NPIPB11: variants seen among roughly 807,000 people sequenced by gnomAD.
NPIPB11 encodes the protein nuclear pore complex-interacting protein family member B11.
A neutral mutation model predicts 32.8 loss-of-function variants in NPIPB11; 17 were observed. The ratio of observed to expected loss-of-function variants is 0.52; its 90% CI spans 0.35 to 0.78. The LOEUF (loss-of-function observed/expected upper bound fraction) is 0.78. Ranked by LOEUF, NPIPB11 falls within the 30% of genes least tolerant of loss-of-function variation. NPIPB11 has a pLI of 0.01. For missense variants in NPIPB11, 537 were observed against 1,000.4 expected, an observed-to-expected ratio of 0.54 and a Z score of 6.25; for synonymous variants, 209 against 398.4, an observed-to-expected ratio of 0.52 and a Z score of 5.66.
In NPIPB11 at chr16:29,394,028, C is replaced by A. The variant is rs771034607; in HGVS notation, c.169G>T (p.Gly57Ter). The A allele has an allele frequency of 6.3e-7, 1 of 1,599,326 alleles. No individual in the cohort carries two copies. Among genetic ancestry groups the A allele is most frequent in the African/African-American group, 1.3e-5 (1 of 74,864 alleles). Residue 57 changes from glycine to a stop codon, truncating the protein, a stop_gained, in exon 3 of 8, where the codon GGA becomes TGA. Transcript: ENST00000524087. LOFTEE classifies it high-confidence loss of function. ...ATAATAATATGTAACCAAGGACTTC[C>A]ACCAAAGTCAGTCCCACGATGATGA...
At chr16:29,389,689 A>G (rs1243386600) in intron 5 of NPIPB11, among the ~76,000 whole-genome samples, 86 of 109,212 alleles carry the variant, frequency 7.9e-4, no homozygotes, top group African/African-American at 1.0e-3. Context: ...AAAAAAAAAA[A>G]AAAAAAAAAG....
At chr16:29,402,696 C>T (rs937217036) in intron 2 of NPIPB11, among the ~76,000 whole-genome samples, 2 of 112,516 alleles carry the variant, frequency 1.8e-5, no homozygotes, top group African/African-American at 7.0e-5. Context: ...GAGTGAAACT[C>T]TGTCTCTCTC....
At chr16:29,400,857 A>C (rs368631904) in intron 2 of NPIPB11, among the ~76,000 whole-genome samples, 3 of 152,080 alleles carry the variant, frequency 2.0e-5, no homozygotes, top group African/African-American at 4.8e-5. Flanking sequence ...GTGTAGGATC[A>C]TCTGGTGAGC....
chr16:29,389,004 G>C (rs1963637793), intron 5 of NPIPB11, among the ~76,000 whole-genome samples: 1 of 147,812 alleles, frequency 6.8e-6, no homozygotes, highest in Non-Finnish European at 1.5e-5. Flanking sequence ...AGACCAGCTT[G>C]GCCAATATGG....
intron 2 of NPIPB11, among the ~76,000 whole-genome samples, chr16:29,399,474 G>C (rs1003893645): frequency 1.3e-5 from 2 of 149,348 alleles, no homozygotes; most frequent in African/African-American, 5.0e-5. Context: ...GGCCGAGGTG[G>C]GTGGATCACA....
chr16:29,389,972 T>C (rs1049219537), exon 5 of NPIPB11: 2 of 1,584,590 alleles, frequency 1.3e-6, no homozygotes, highest in African/African-American at 2.7e-5. Context: ...TTTCCATTGA[T>C]TTTGTCATGA....
At chr16:29,382,192 G>A (rs878907790) in exon 8 of NPIPB11, 1 of 628,052 alleles carries the variant, frequency 1.6e-6, no homozygotes, top group South Asian at 1.6e-5. Flanking sequence ...TCTGCTGAGG[G>A]TGGAGCTGAG....
intron 2 of NPIPB11, among the ~76,000 whole-genome samples, chr16:29,397,267 G>C (rs1038714685): frequency 2.0e-5 from 3 of 151,798 alleles, no homozygotes; most frequent in African/African-American, 7.3e-5. Context: ...AGTGCAGCGG[G>C]GCCATCTCGG....
At position 29,397,539 on chromosome 16, in the gene NPIPB11, G is replaced by T. The variant is rs1266570059; in HGVS notation, c.121-3463C>A. 8.6e-6 allele frequency: 13 copies of T among 1,517,694 alleles called. No individual in the cohort carries two copies. The Admixed American group carries it at 1.8e-4, about 21-fold the overall frequency. The allele number at this position is 1,517,694 out of a possible 1,614,324, so 94.0% of individuals were successfully genotyped here. On this transcript the variant is annotated intron_variant, in intron 2 of 7. Transcript: ENST00000524087. ...CGTGACACAGCCCAGTAAAAAGGAAGAAACCCCGAGGGTCCAGCGTCTACT... is the reference window on the plus strand; with the variant it reads ...CGTGACACAGCCCAGTAAAAAGGAATAAACCCCGAGGGTCCAGCGTCTACT...
At chr16:29,399,310 G>A (rs913931304) in intron 2 of NPIPB11, among the ~76,000 whole-genome samples, 7 of 150,496 alleles carry the variant, frequency 4.7e-5, no homozygotes, top group African/African-American at 1.5e-4. Context: ...TATGACATAA[G>A]GTTATTGTAA....
exon 8 of NPIPB11, chr16:29,383,268 T>A: frequency 1.3e-6 from 2 of 1,562,218 alleles, no homozygotes; most frequent in Non-Finnish European, 1.7e-6. Flanking sequence ...CTTGAGATTA[T>A]CATCCGCTGA....
chr16:29,389,351 GA>G (rs1308775311), intron 5 of NPIPB11, among the ~76,000 whole-genome samples: 1 of 130,764 alleles, frequency 7.6e-6, no homozygotes, highest in East Asian at 2.2e-4. Flanking sequence ...GACAGAGCGT[GA>G]CTCTATCTCA....
At chr16:29,382,155 C>G (rs1457389653) in exon 8 of NPIPB11, 1 of 515,846 alleles carries the variant, frequency 1.9e-6, no homozygotes, top group Non-Finnish European at 3.1e-6. Flanking sequence ...CCCCCGCAGA[C>G]GCTCGGCAGG....
chr16:29,404,726 C>T (rs1388455471), upstream of NPIPB11, among the ~76,000 whole-genome samples: 1 of 151,146 alleles, frequency 6.6e-6, no homozygotes, highest in Non-Finnish European at 1.5e-5. Flanking sequence ...CTCGCATCCC[C>T]ACAGATGGGG....
chr16:29,399,382 A>C (rs1370530883), intron 2 of NPIPB11, among the ~76,000 whole-genome samples: 1 of 149,462 alleles, frequency 6.7e-6, no homozygotes, highest in Non-Finnish European at 1.5e-5. Context: ...AAATAGAAAA[A>C]CAACCCTAAG....
intron 5 of NPIPB11, among the ~76,000 whole-genome samples, chr16:29,387,185 TGTC>T (rs1963604700): frequency 2.7e-5 from 1 of 37,264 alleles, no homozygotes; most frequent in Admixed American, 2.7e-4. Flanking sequence ...GCAAGTCACC[TGTC>T]ATTTCCAGCT....
intron 5 of NPIPB11, among the ~76,000 whole-genome samples, 197 bp downstream of exon 5, chr16:29,389,744 A>C (rs2142123510): frequency 6.6e-6 from 1 of 151,080 alleles, no homozygotes; most frequent in Middle Eastern, 3.4e-3. Flanking sequence ...TCTTCCCCCG[A>C]AAAAATTACA....
At chr16:29,394,939 T>G (rs1469746782) in intron 2 of NPIPB11, among the ~76,000 whole-genome samples, 5 of 145,506 alleles carry the variant, frequency 3.4e-5, no homozygotes, top group African/African-American at 1.3e-4. Flanking sequence ...GGAGATGGGG[T>G]TTTGCCATGT....
exon 8 of NPIPB11, chr16:29,383,596 CTGAGGGTGGAAGGGGAGTGAG>C: frequency 1.5e-6 from 1 of 671,336 alleles, no homozygotes. Flanking sequence ...GAGGGTGGAG[CTGAGGGTGGAAGGGGAGTGAG>C]CTGACGCTCA....
Sources: allele counts gnomAD v4.1 joint callset (sites outside exome capture counted in the v4.1 genomes callset), GRCh38; gene constraint gnomAD v4.1.1; transcripts MANE v1.5; gene names NCBI Gene and HGNC (gene_info 2026-07-23, HGNC 2026-07-21).